Variants in PDE4B observed in about 807,000 individuals in gnomAD.
The protein encoded by PDE4B is 3',5'-cyclic-AMP phosphodiesterase 4B.
PDE4B carries 20 observed loss-of-function variants against 82.2 expected under a neutral mutation model. That is an observed-to-expected ratio of 0.24 (90% CI 0.17 to 0.35). The LOEUF (loss-of-function observed/expected upper bound fraction) is 0.35, where lower values mean the gene tolerates loss of function less well. PDE4B is among the 10% of genes least tolerant of loss of function. PDE4B has a pLI of 1.00. For synonymous variants in PDE4B, 320 were observed against 318.9 expected (o/e 1.00, Z -0.04); for missense variants, 655 against 907.2 (o/e 0.72, Z 3.57).
At chr1:66,082,920 T>A (rs1248618916) in intron 3 of PDE4B, among the ~76,000 whole-genome samples, 1 of 151,966 alleles carries the variant, frequency 6.6e-6, no homozygotes, top group Non-Finnish European at 1.5e-5. Context: ...CAGGAGGCAA[T>A]GGGTAGGACA....
chr1:66,116,853 C>T (rs1405871667), intron 3 of PDE4B, among the ~76,000 whole-genome samples: 2 of 152,154 alleles, frequency 1.3e-5, no homozygotes, highest in Admixed American at 1.3e-4. Flanking sequence ...GGGTGAGCCA[C>T]CGCACCTGGC....
chr1:66,332,681 ACCCC>A, intron 8 of PDE4B, 61 bp downstream of exon 8: 4 of 1,399,816 alleles, frequency 2.9e-6, no homozygotes, highest in Non-Finnish European at 4.0e-6. Flanking sequence ...AGCTCCCCTC[ACCCC>A]TGTCTGCAGC....
intron 1 of PDE4B, among the ~76,000 whole-genome samples, chr1:65,881,091 A>T (rs1366026587): frequency 6.6e-6 from 1 of 152,144 alleles, no homozygotes; most frequent in Non-Finnish European, 1.5e-5. Context: ...ATTCCTTGTC[A>T]GTTTCCATAA....
At chr1:65,913,633 A>G (rs1435862255) in intron 2 of PDE4B, among the ~76,000 whole-genome samples, 1 of 152,162 alleles carries the variant, frequency 6.6e-6, no homozygotes, top group Admixed American at 6.6e-5. Flanking sequence ...TCACTCTCAG[A>G]TAATTCCTCT....
intron 3 of PDE4B, among the ~76,000 whole-genome samples, chr1:66,209,406 AGT>A (rs1482193346): frequency 6.6e-6 from 1 of 152,164 alleles, no homozygotes; most frequent in Non-Finnish European, 1.5e-5. Flanking sequence ...AACTGGATGT[AGT>A]GTCTTGGATT....
At chr1:66,009,642 G>T (rs532260577) in intron 3 of PDE4B, among the ~76,000 whole-genome samples, 76 of 152,206 alleles carry the variant, frequency 5.0e-4, no homozygotes, top group African/African-American at 1.8e-3. Flanking sequence ...TTCTTATCAA[G>T]ACCTCGGCCT....
At chr1:66,009,736 T>G (rs141834951) in intron 3 of PDE4B, among the ~76,000 whole-genome samples, 5 of 152,266 alleles carry the variant, frequency 3.3e-5, no homozygotes, top group African/African-American at 1.2e-4. Flanking sequence ...TGAATTCATC[T>G]AATTGGAGAA....
intron 3 of PDE4B, among the ~76,000 whole-genome samples, chr1:66,075,280 A>G (rs1272938011): frequency 6.6e-6 from 1 of 152,072 alleles, no homozygotes; most frequent in Non-Finnish European, 1.5e-5. Context: ...CACCTGCCCT[A>G]CATCAGCTGG....
chr1:66,153,619 A>C (rs1399693121), intron 3 of PDE4B, among the ~76,000 whole-genome samples: 1 of 152,206 alleles, frequency 6.6e-6, no homozygotes, highest in African/African-American at 2.4e-5. Flanking sequence ...TATGAAGATT[A>C]ATTAGACAAG....
chr1:65,849,912 G>C (rs1461680129), intron 1 of PDE4B, among the ~76,000 whole-genome samples: 1 of 152,108 alleles, frequency 6.6e-6, no homozygotes, highest in African/African-American at 2.4e-5. Flanking sequence ...GGAACTAAGA[G>C]TCAATAAATT....
At position 66,070,078 on chromosome 1, in the gene PDE4B, T is replaced by C. The variant is rs75099422; in HGVS notation, c.281+151243T>C. On this transcript the variant is annotated intron_variant, in intron 3 of 16. Coordinates refer to ENST00000341517, the MANE Select transcript of PDE4B (RefSeq NM_002600.4). Reference sequence around the variant, plus strand: ...TATACACAGTGTTTCTTTACACTTGTTACTCTGAAATTATCTGTTTCACGT... The same window carrying C: ...TATACACAGTGTTTCTTTACACTTGCTACTCTGAAATTATCTGTTTCACGT... Among the ~76,000 whole-genome samples the C allele has an allele frequency of 1.4e-4, 22 of 152,150 alleles. No individual in the cohort carries two copies. In the East Asian group the frequency reaches 3.1e-3, roughly 21 times the overall value.
chr1:65,792,913 T>G lies in PDE4B; in HGVS notation c.-406T>G, dbSNP rs950892536. Among the ~76,000 whole-genome samples, 1 of 151,814 alleles carries G rather than the reference T, an allele frequency of 6.6e-6. No homozygotes were observed. Among genetic ancestry groups the G allele is most frequent in the African/African-American group, 2.4e-5 (1 of 41,368 alleles). The stretch of plus-strand genomic sequence containing the variant: ...AAGGGCCAGAGGACGAGAGAAGAGC[T>G]GAGGGGCGCGTCGCCAGCGCCTGTG... On this transcript the variant is annotated 5_prime_UTR_variant, in exon 1 of 17. Coordinates refer to ENST00000341517, the MANE Select transcript of PDE4B (RefSeq NM_002600.4).
intron 1 of PDE4B, among the ~76,000 whole-genome samples, chr1:65,862,784 T>C (rs1646469293): frequency 6.6e-6 from 1 of 152,174 alleles, no homozygotes; most frequent in Non-Finnish European, 1.5e-5. Flanking sequence ...CTTGAGAGGG[T>C]GTATGTGTCC....
At chr1:65,951,772 A>G (rs565021144) in intron 3 of PDE4B, among the ~76,000 whole-genome samples, 1 of 152,194 alleles carries the variant, frequency 6.6e-6, no homozygotes, top group East Asian at 1.9e-4. Context: ...GTTTTACCCC[A>G]TATATAGATC....
intron 1 of PDE4B, among the ~76,000 whole-genome samples, chr1:65,846,911 A>T (rs1324665534): frequency 1.3e-5 from 2 of 152,204 alleles, no homozygotes; most frequent in Non-Finnish European, 2.9e-5. Context: ...ACAGGGAAAA[A>T]CAGTACATTC....
At chr1:65,982,856 C>A (rs750508857) in intron 3 of PDE4B, among the ~76,000 whole-genome samples, 1 of 152,164 alleles carries the variant, frequency 6.6e-6, no homozygotes, top group Non-Finnish European at 1.5e-5. Flanking sequence ...AGTTTAGAGG[C>A]CAGCAGAGCT....
intron 8 of PDE4B, among the ~76,000 whole-genome samples, chr1:66,348,663 C>G (rs1218514609): frequency 6.8e-6 from 1 of 146,972 alleles, no homozygotes; most frequent in Non-Finnish European, 1.5e-5. Flanking sequence ...ACCATACTTA[C>G]AGTTAAAAAA....
intron 8 of PDE4B, among the ~76,000 whole-genome samples, chr1:66,342,231 G>A (rs1029648841): frequency 5.3e-4 from 80 of 152,280 alleles, no homozygotes; most frequent in African/African-American, 1.9e-3. Context: ...ATCCTTGAGA[G>A]TCTAACGTTA....
chr1:65,975,450 C>T (rs930511082), intron 3 of PDE4B, among the ~76,000 whole-genome samples: 3 of 152,210 alleles, frequency 2.0e-5, no homozygotes, highest in Non-Finnish European at 4.4e-5. Context: ...GCAGCCTGGC[C>T]ATGTGGTAGA....
Sources: gnomAD v4.1 joint callset for allele counts (sites outside exome capture counted in the v4.1 genomes callset) on GRCh38, gnomAD v4.1.1 for gene constraint, MANE v1.5 for transcripts, NCBI Gene and HGNC (gene_info 2026-07-23, HGNC 2026-07-21) for gene names.